UROC1: variants seen among roughly 807,000 people sequenced by gnomAD.
UROC1 encodes the protein urocanate hydratase 1, also known as urocanate hydratase.
A neutral mutation model predicts 89.5 loss-of-function variants in UROC1; 79 were observed. The observed-to-expected ratio is 0.88, with a 90% confidence interval of 0.74 to 1.06. The LOEUF (loss-of-function observed/expected upper bound fraction) is 1.06, where lower values mean the gene tolerates loss of function less well. Among genes scored for constraint, UROC1 ranks in the 50% least tolerant of loss-of-function variants. The pLI is 0.00. For synonymous variants in UROC1, 361 were observed against 354.8 expected (o/e 1.02, Z -0.20); for missense variants, 885 against 907.8 (o/e 0.97, Z 0.32).
chr3:126,497,445 C>T (rs1935803848), intron 14 of UROC1, among the ~76,000 whole-genome samples: 1 of 152,254 alleles, frequency 6.6e-6, no homozygotes, highest in African/African-American at 2.4e-5. Context: ...AACCAACACT[C>T]AGCATCAGCA....
At chr3:126,511,786 C>A (rs747638606) in intron 1 of UROC1, among the ~76,000 whole-genome samples, 2 of 152,198 alleles carry the variant, frequency 1.3e-5, no homozygotes, top group Admixed American at 6.5e-5. Context: ...CGAAATACAG[C>A]CCCAAAGCTC....
intron 18 of UROC1, among the ~76,000 whole-genome samples, chr3:126,487,465 G>A (rs980726607): frequency 6.6e-6 from 1 of 152,216 alleles, no homozygotes; most frequent in Non-Finnish European, 1.5e-5. Flanking sequence ...CCAAGGACAC[G>A]AGGCCAAGCC....
At chr3:126,507,616 A>T (rs1037518324) in intron 6 of UROC1, 126 bp downstream of exon 6, 2 of 1,032,926 alleles carry the variant, frequency 1.9e-6, no homozygotes, top group African/African-American at 1.6e-5. Context: ...GTAAAAATAA[A>T]ATTAATTATG....
chr3:126,482,542 GT>G, intron 19 of UROC1, 57 bp from the exon 20 acceptor site: 2 of 1,612,786 alleles, frequency 1.2e-6, no homozygotes, highest in Non-Finnish European at 1.7e-6. Context: ...CCCCACGTGA[GT>G]CTTGGCTCCC....
rs201597075 is a variant in UROC1 at position 126,505,935 on chromosome 3, C to G, written c.669+10G>C. ...GGAAGCCCACAGCCAGGCGTGGCCC[C>G]ATCTCTCACCACAGTGCCATGAACG... On this transcript the variant is annotated intron_variant, in intron 7 of 19. Transcript: ENST00000290868. The G allele has an allele frequency of 1.9e-6, 3 of 1,613,106 alleles. No homozygotes were observed. The African/African-American group carries it at 4.0e-5, about 22-fold the overall frequency.
chr3:126,492,297 G>T (rs1324479513), intron 16 of UROC1, 121 bp downstream of exon 16: 2 of 958,074 alleles, frequency 2.1e-6, no homozygotes, highest in Non-Finnish European at 3.2e-6. Flanking sequence ...GGCCCAACGG[G>T]GGTGTCTCCC....
At chr3:126,491,238 C>T (rs908858385) in intron 16 of UROC1, among the ~76,000 whole-genome samples, 3 of 152,202 alleles carry the variant, frequency 2.0e-5, no homozygotes, top group Non-Finnish European at 4.4e-5. Context: ...TCCTGCACGC[C>T]GCTCCTCATC....
chr3:126,499,174 G>A (rs1458875890), intron 13 of UROC1, among the ~76,000 whole-genome samples, 163 bp downstream of exon 13: 1 of 151,712 alleles, frequency 6.6e-6, no homozygotes, highest in East Asian at 1.9e-4. Flanking sequence ...GAAAACCCAT[G>A]GACAGAGCCT....
At chr3:126,493,260 T>C (rs1935695077) in intron 15 of UROC1, among the ~76,000 whole-genome samples, 1 of 152,120 alleles carries the variant, frequency 6.6e-6, no homozygotes, top group Admixed American at 6.5e-5. Context: ...TGCTGCTAAA[T>C]ACTCTACAAC....
intron 18 of UROC1, among the ~76,000 whole-genome samples, chr3:126,487,366 T>C (rs1484767821): frequency 1.3e-5 from 2 of 152,236 alleles, no homozygotes; most frequent in African/African-American, 2.4e-5. Flanking sequence ...CGGAGCTTTC[T>C]ATAGCCCCTG....
In UROC1 at chr3:126,488,284, G is replaced by A. The variant is rs376757323; in HGVS notation, c.1709-5C>T. 3.0e-5 allele frequency: 49 copies of A among 1,614,102 alleles called. No individual in the cohort carries two copies. The highest frequency in any genetic ancestry group is 2.0e-4 in the African/African-American group (15 of 74,946). On this transcript the variant is annotated splice_polypyrimidine_tract_variant and splice_region_variant and intron_variant, in intron 17 of 19. Coordinates refer to ENST00000290868, the MANE Select transcript of UROC1 (RefSeq NM_144639.3). ...CGAAGTTCTGCACAGCCATGTCTGCGGAAATAGAGACGCCTCTGCTCATCA... is the reference window on the plus strand; with the variant it reads ...CGAAGTTCTGCACAGCCATGTCTGCAGAAATAGAGACGCCTCTGCTCATCA...
chr3:126,511,534 A>G (rs750608310), intron 1 of UROC1, among the ~76,000 whole-genome samples: 1 of 152,262 alleles, frequency 6.6e-6, no homozygotes, highest in African/African-American at 2.4e-5. Context: ...CACGTGCTAG[A>G]CAAGGAGGAC....
Position 126,510,699 on chromosome 3 carries a change from G to C in UROC1, c.222C>G (p.Ile74Met). The part of the protein sequence containing the change: ...FAQELQLYGH[I>M]YMYRFCPDIE... ...TGTCGGGGCAAAACCGGTACATGTA[G>C]ATGTGTCCGTACAGTTGCAGCTCCT... The change falls in exon 2 of 20, where the codon ATC becomes ATG. Residue 74 changes from isoleucine (I) to methionine (M), a missense_variant. Physicochemically the swap from Ile to Met is conservative, Grantham distance 10. Transcript: ENST00000290868. 1 of 1,614,170 alleles carries C rather than the reference G, an allele frequency of 6.2e-7. No individual in the cohort carries two copies.
Position 126,513,443 on chromosome 3 carries a change from C to T in UROC1, c.127-2649G>A, listed in dbSNP as rs377300468. On this transcript the variant is annotated intron_variant, in intron 1 of 19. Transcript: ENST00000290868. ...CCTTCTCCACATCTGTGCACACTGC[C>T]TCCTGGGTGCGGACAGCGCTCTGGG... is the stretch of plus-strand genomic sequence containing the variant. Among the ~76,000 whole-genome samples the T allele has an allele frequency of 7.9e-5, 12 of 152,376 alleles. No individual in the cohort carries two copies. The East Asian group carries it at 1.5e-3, about 20-fold the overall frequency.
rs560040897 is a variant in UROC1 at position 126,482,953 on chromosome 3, C to T, written c.1890+416G>A. On this transcript the variant is annotated intron_variant, in intron 19 of 19. Transcript: ENST00000290868. ...CCAACCCACTTTTCCATGCCACAGC[C>T]GGGGCATCTCCTAGAACAAAACCTC... 1.4e-3 allele frequency among the ~76,000 whole-genome samples: 206 copies of T among 152,250 alleles called. 1 individual carries two copies. Among genetic ancestry groups the T allele is most frequent in the African/African-American group, 4.2e-3 (176 of 41,538 alleles).
chr3:126,491,485 A>G (rs1212456991), intron 16 of UROC1, among the ~76,000 whole-genome samples: 1 of 152,234 alleles, frequency 6.6e-6, no homozygotes, highest in Non-Finnish European at 1.5e-5. Flanking sequence ...GTCCCCGGGA[A>G]CACCTGGGCT....
At chr3:126,510,881 A>T (rs1936181040) in intron 1 of UROC1, 87 bp from the exon 2 acceptor site, 1 of 1,539,340 alleles carries the variant, frequency 6.5e-7, no homozygotes, top group Non-Finnish European at 8.7e-7. Context: ...CTCCTCCCAA[A>T]TGGATTTGTC....
At position 126,482,211 on chromosome 3, in the gene UROC1, G is replaced by A. The variant is rs1416998789; in HGVS notation, c.*134C>T. 6 of 1,341,876 alleles carry A rather than the reference G, an allele frequency of 4.5e-6. No individual in the cohort carries two copies. Among genetic ancestry groups the A allele is most frequent in the Non-Finnish European group, 6.2e-6 (6 of 966,170 alleles). 83.1% of individuals were successfully genotyped at this position (1,341,876 alleles called of 1,614,324 possible). ...GAGGCTGTGGTGGCACCCTGCACAG[G>A]GCACCATAAGGGCCACGTGAGGATG... On this transcript the variant is annotated 3_prime_UTR_variant, in exon 20 of 20. Coordinates refer to ENST00000290868, the MANE Select transcript of UROC1 (RefSeq NM_144639.3).
chr3:126,503,818 C>T (rs1024422301), intron 9 of UROC1, among the ~76,000 whole-genome samples, 177 bp downstream of exon 9: 18 of 151,622 alleles, frequency 1.2e-4, no homozygotes, highest in Admixed American at 6.6e-4. Context: ...CCCTTGTGTG[C>T]GTGTGTGTGT....
Sources: gnomAD v4.1 joint callset for allele counts (sites outside exome capture counted in the v4.1 genomes callset) on GRCh38, gnomAD v4.1.1 for gene constraint, MANE v1.5 for transcripts, NCBI Gene and HGNC (gene_info 2026-07-23, HGNC 2026-07-21) for gene names.